Variants in CHSY3 observed in about 807,000 individuals in gnomAD.
CHSY3 encodes N-acetylgalactosaminyl-proteoglycan 3-beta-glucuronosyltransferase 3.
CHSY3 carries 35 observed loss-of-function variants against 67.2 expected under a neutral mutation model. The ratio of observed to expected loss-of-function variants is 0.52; its 90% confidence interval spans 0.40 to 0.69. CHSY3 has a LOEUF of 0.69. CHSY3 is among the 30% of genes least tolerant of loss of function. The pLI is 0.00. For synonymous variants in CHSY3, 474 were observed against 434.7 expected (o/e 1.09, Z -1.12); for missense variants, 1,069 against 1,138.5 (o/e 0.94, Z 0.88).
intron 2 of CHSY3, among the ~76,000 whole-genome samples, chr5:129,932,137 TATATATG>T: frequency 7.4e-6 from 1 of 135,108 alleles, no homozygotes; most frequent in Admixed American, 7.8e-5. Flanking sequence ...TATATATATA[TATATATG>T]TATATGAGAG....
intron 2 of CHSY3, among the ~76,000 whole-genome samples, chr5:129,998,670 C>T (rs567336234): frequency 4.0e-5 from 6 of 151,852 alleles, no homozygotes; most frequent in African/African-American, 1.4e-4. Context: ...AAAAGCCAGT[C>T]CTTTTTAAAT....
At chr5:130,157,633 A>G (rs1769410845) in intron 2 of CHSY3, among the ~76,000 whole-genome samples, 1 of 152,234 alleles carries the variant, frequency 6.6e-6, no homozygotes, top group African/African-American at 2.4e-5. Context: ...CCCAATCATC[A>G]TGTCACCTGA....
rs1212990225 is a variant in CHSY3 at position 129,992,655 on chromosome 5, A to G, written c.1086+84295A>G. Among the ~76,000 whole-genome samples, 13 of 152,194 alleles carry G rather than the reference A, an allele frequency of 8.5e-5. 1 individual carries two copies. The highest frequency in any genetic ancestry group is 8.5e-4 in the Admixed American group (13 of 15,252). On this transcript the variant is annotated intron_variant, in intron 2 of 2. Coordinates refer to ENST00000305031, the MANE Select transcript of CHSY3 (RefSeq NM_175856.5). The stretch of plus-strand genomic sequence containing the variant: ...GTTGGAGGTGCTATGAGCAGAGGAG[A>G]AAAATTTTTACCAGTAGTCCTGTCC...
intron 2 of CHSY3, among the ~76,000 whole-genome samples, chr5:129,967,916 T>A (rs1262943116): frequency 6.6e-6 from 1 of 151,822 alleles, no homozygotes; most frequent in African/African-American, 2.4e-5. Flanking sequence ...TAAACTTGCA[T>A]GAATTTTTGG....
chr5:129,935,136 C>T lies in CHSY3; in HGVS notation c.1086+26776C>T, dbSNP rs149506624. Among the ~76,000 whole-genome samples, 580 of 152,278 alleles carry T rather than the reference C, an allele frequency of 3.8e-3. 8 individuals are homozygous for T. Among genetic ancestry groups the T allele is most frequent in the African/African-American group, 0.013 (545 of 41,544 alleles). ...TTATTGTGAGAAAATTTTAAGAATT[C>T]AAATTCACATTTCTGAGGTAAACAT... On this transcript the variant is annotated intron_variant, in intron 2 of 2. Transcript: ENST00000305031.
At chr5:129,940,090 T>C (rs376323240) in intron 2 of CHSY3, among the ~76,000 whole-genome samples, 73 of 152,306 alleles carry the variant, frequency 4.8e-4, no homozygotes, top group African/African-American at 1.4e-3. Context: ...AATTCCTTTT[T>C]CCAGTTTGGA....
chr5:129,906,454 A>C (rs900798880), intron 1 of CHSY3, among the ~76,000 whole-genome samples: 1 of 152,198 alleles, frequency 6.6e-6, no homozygotes, highest in Non-Finnish European at 1.5e-5. Flanking sequence ...TTTCCAGTGC[A>C]TTTTGTTGGC....
intron 2 of CHSY3, among the ~76,000 whole-genome samples, chr5:130,032,191 T>C (rs2149660613): frequency 6.6e-6 from 1 of 152,320 alleles, no homozygotes; most frequent in East Asian, 1.9e-4. Context: ...CCTGTAGTTA[T>C]GTTCTGTTAT....
intron 2 of CHSY3, among the ~76,000 whole-genome samples, chr5:130,131,954 C>T (rs552251959): frequency 2.0e-5 from 3 of 151,446 alleles, no homozygotes; most frequent in African/African-American, 2.4e-5. Flanking sequence ...TAAGGTCTTA[C>T]CTAAACTGTG....
At chr5:129,973,803 T>C (rs569526411) in intron 2 of CHSY3, among the ~76,000 whole-genome samples, 11 of 152,152 alleles carry the variant, frequency 7.2e-5, no homozygotes, top group Admixed American at 3.9e-4. Flanking sequence ...TTTAGTCTTA[T>C]AGTTCTTCAG....
At chr5:130,136,182 G>T (rs551326948) in intron 2 of CHSY3, among the ~76,000 whole-genome samples, 239 of 152,302 alleles carry the variant, frequency 1.6e-3, no homozygotes, top group African/African-American at 5.1e-3. Context: ...GGTAATGCTT[G>T]ATTTTAATTT....
intron 2 of CHSY3, among the ~76,000 whole-genome samples, chr5:129,969,432 ACAT>A (rs1762572093): frequency 6.6e-6 from 1 of 151,884 alleles, no homozygotes; most frequent in Admixed American, 6.6e-5. Context: ...CTTCAACTAA[ACAT>A]TAGCTAATTG....
chr5:130,089,279 G>A (rs1391809675), intron 2 of CHSY3, among the ~76,000 whole-genome samples: 6 of 149,686 alleles, frequency 4.0e-5, no homozygotes, highest in East Asian at 2.0e-4. Flanking sequence ...GCTAAATGAC[G>A]AGTTAATGGG....
chr5:129,955,430 C>T (rs1296148357), intron 2 of CHSY3, among the ~76,000 whole-genome samples: 2 of 151,372 alleles, frequency 1.3e-5, no homozygotes, highest in African/African-American at 2.4e-5. Flanking sequence ...ATATTTTTTC[C>T]CGTCTCCTTT....
intron 2 of CHSY3, among the ~76,000 whole-genome samples, chr5:130,087,212 G>T (rs1169110968): frequency 6.6e-6 from 1 of 151,774 alleles, no homozygotes; most frequent in Admixed American, 6.6e-5. Context: ...TTGATGGGAT[G>T]TATCTCAAAA....
At position 129,987,471 on chromosome 5, in the gene CHSY3, G is replaced by A. The variant is rs376523378; in HGVS notation, c.1086+79111G>A. Among the ~76,000 whole-genome samples, 4 of 152,242 alleles carry A rather than the reference G, an allele frequency of 2.6e-5. No individual in the cohort carries two copies. In the South Asian group the frequency reaches 6.2e-4, roughly 24 times the overall value. On this transcript the variant is annotated intron_variant, in intron 2 of 2. Coordinates refer to ENST00000305031, the MANE Select transcript of CHSY3 (RefSeq NM_175856.5). ...AATAACAGGAGATGTTTCTTAATTCGTGATATCAACTCCTTTATAAGCATA... is the reference window on the plus strand; with the variant it reads ...AATAACAGGAGATGTTTCTTAATTCATGATATCAACTCCTTTATAAGCATA...
intron 2 of CHSY3, among the ~76,000 whole-genome samples, chr5:130,166,501 A>G (rs1021721645): frequency 1.3e-5 from 2 of 152,158 alleles, no homozygotes; most frequent in African/African-American, 4.8e-5. Context: ...GATCAAAGTG[A>G]CTCAAGTCCT....
intron 2 of CHSY3, among the ~76,000 whole-genome samples, chr5:129,949,631 C>T (rs1324776266): frequency 6.6e-6 from 1 of 152,088 alleles, no homozygotes; most frequent in Non-Finnish European, 1.5e-5. Context: ...ATTATCCTGA[C>T]ACCAAAGCCA....
chr5:130,103,839 A>G (rs192150350), intron 2 of CHSY3, among the ~76,000 whole-genome samples: 54 of 152,094 alleles, frequency 3.6e-4, no homozygotes, highest in African/African-American at 1.3e-3. Flanking sequence ...AGTTCTGGCT[A>G]TCCTTTGCTT....
Sources: gnomAD v4.1 joint callset for allele counts (sites outside exome capture counted in the v4.1 genomes callset) on GRCh38, gnomAD v4.1.1 for gene constraint, MANE v1.5 for transcripts, NCBI Gene and HGNC (gene_info 2026-07-23, HGNC 2026-07-21) for gene names.